Variants in CC2D2A observed in about 807,000 individuals in gnomAD.
CC2D2A encodes the protein coiled-coil and C2 domain-containing protein 2A.
Under a neutral mutation model 212.9 loss-of-function variants are expected in CC2D2A, and 155 were observed. The ratio of observed to expected loss-of-function variants is 0.73; its 90% CI spans 0.64 to 0.83. The LOEUF is 0.83. CC2D2A is among the 40% of genes least tolerant of loss of function. The pLI is 0.00. For missense variants in CC2D2A, 1,856 were observed against 1,956.2 expected, an observed-to-expected ratio of 0.95 and a Z score of 0.97; for synonymous variants, 667 against 686.5, an observed-to-expected ratio of 0.97 and a Z score of 0.44.
intron 13 of CC2D2A, among the ~76,000 whole-genome samples, chr4:15,530,165 G>A (rs761661727): frequency 6.6e-6 from 1 of 151,988 alleles, no homozygotes; most frequent in South Asian, 2.1e-4. Context: ...TAGAGACGGC[G>A]TTTCACCGCG....
rs1459773246 is a variant in CC2D2A, at chr4:15,537,959, G to A, written c.1825G>A (p.Glu609Lys). Residue 609 changes from glutamate to lysine, a missense_variant, in exon 16 of 37, where the codon GAG (glutamate) becomes AAG (lysine). This residue lies in a region of CC2D2A where 1,512 missense variants were observed against 1,579.3 expected (regional missense o/e 0.96). Transcript: ENST00000424120. ...AGAACATCCCGGTGATGAGATTGCA[G>A]AGCCGTATCCCGAGGAGGACCTTGT... is the stretch of plus-strand genomic sequence containing the variant. ...AEEHPGDEIA[E>K]PYPEEDLVKP... 1 of 1,610,350 alleles carries A rather than the reference G, an allele frequency of 6.2e-7. No homozygotes were observed.
rs182687690 is a variant in CC2D2A, at chr4:15,483,391, T to G, written c.247+2564T>G. Reference sequence around the variant, plus strand: ...TCTTGGAAACACACAGATGTATGTGTAGAAAACACGGAGAGGGTCAAGAGC... The same window carrying G: ...TCTTGGAAACACACAGATGTATGTGGAGAAAACACGGAGAGGGTCAAGAGC... On this transcript the variant is annotated intron_variant, in intron 4 of 36. Transcript: ENST00000424120. Among the ~76,000 whole-genome samples, 256 of 152,258 alleles carry G rather than the reference T, an allele frequency of 1.7e-3. 1 individual carries two copies. Among genetic ancestry groups the G allele is most frequent in the African/African-American group, 5.9e-3 (245 of 41,546 alleles).
chr4:15,581,207 G>A (rs1217565266), intron 30 of CC2D2A, among the ~76,000 whole-genome samples: 2 of 152,096 alleles, frequency 1.3e-5, no homozygotes, highest in East Asian at 1.9e-4. Context: ...CCCACTTTGT[G>A]TTCTACATTT....
At chr4:15,556,199 T>C (rs897954556) in intron 20 of CC2D2A, among the ~76,000 whole-genome samples, 2 of 152,224 alleles carry the variant, frequency 1.3e-5, no homozygotes, top group African/African-American at 4.8e-5. Flanking sequence ...AAAGCCATAA[T>C]AAACAAGTAG....
At chr4:15,488,384 A>G (rs1185807464) in intron 4 of CC2D2A, among the ~76,000 whole-genome samples, 1 of 152,192 alleles carries the variant, frequency 6.6e-6, no homozygotes, top group African/African-American at 2.4e-5. Context: ...CACTTTGAAT[A>G]TATCATCCCA....
chr4:15,496,315 G>A (rs1469058344), intron 4 of CC2D2A, among the ~76,000 whole-genome samples: 1 of 152,182 alleles, frequency 6.6e-6, no homozygotes, highest in African/African-American at 2.4e-5. Context: ...CAGGGCCAGT[G>A]TCCAGAATGG....
intron 6 of CC2D2A, among the ~76,000 whole-genome samples, chr4:15,506,848 C>T (rs143239039): frequency 0.11 from 15,944 of 151,422 alleles, 932 homozygotes; most frequent in Non-Finnish European, 0.13. Context: ...CTGAGGCGGG[C>T]GGATCACGAG....
At chr4:15,591,636 T>TAATGTAAAGAGCACTGTGTAACATATGTA (rs1293084507) in intron 33 of CC2D2A, among the ~76,000 whole-genome samples, 1 of 152,218 alleles carries the variant, frequency 6.6e-6, no homozygotes, top group Non-Finnish European at 1.5e-5. Flanking sequence ...CACTATTAAT[T>TAATGTAAAGAGCACTGTGTAACATATGTA]ACATATGTAA....
chr4:15,502,571 C>A, intron 5 of CC2D2A, 54 bp downstream of exon 5: 1 of 1,438,068 alleles, frequency 7.0e-7, no homozygotes, highest in Non-Finnish European at 9.5e-7. Flanking sequence ...TCTTCCAGGG[C>A]TTGTCTAGCT....
At chr4:15,541,995 T>TA (rs954360755) in intron 17 of CC2D2A, among the ~76,000 whole-genome samples, 12 of 152,126 alleles carry the variant, frequency 7.9e-5, no homozygotes, top group African/African-American at 1.2e-4. Flanking sequence ...TCCTGGCACT[T>TA]AGAGTTCCTT....
chr4:15,480,464 A>G (rs1714555259), intron 3 of CC2D2A, among the ~76,000 whole-genome samples: 1 of 152,222 alleles, frequency 6.6e-6, no homozygotes. Context: ...AGAAAAAGTG[A>G]AAATAATAAC....
At chr4:15,576,515 C>T (rs927399934) in intron 29 of CC2D2A, 4 of 227,886 alleles carry the variant, frequency 1.8e-5, no homozygotes, top group Non-Finnish European at 2.9e-5. Context: ...CTTACATGAT[C>T]TTGTTAAAAA....
At chr4:15,518,372 C>A (rs186999612) in intron 11 of CC2D2A, among the ~76,000 whole-genome samples, 1 of 152,246 alleles carries the variant, frequency 6.6e-6, no homozygotes, top group Non-Finnish European at 1.5e-5. Flanking sequence ...TGGGCAGCTT[C>A]GCCTCTGTGG....
intron 17 of CC2D2A, among the ~76,000 whole-genome samples, chr4:15,545,217 A>G (rs550535038): frequency 6.6e-6 from 1 of 152,254 alleles, no homozygotes; most frequent in Non-Finnish European, 1.5e-5. Context: ...GGGTAGAAAA[A>G]CTCACCTAAA....
chr4:15,571,673 T>C (rs939460508), intron 28 of CC2D2A, among the ~76,000 whole-genome samples: 3 of 151,828 alleles, frequency 2.0e-5, no homozygotes, highest in East Asian at 1.9e-4. Flanking sequence ...CAAGAATCAA[T>C]TGGAAATGCA....
chr4:15,549,807 A>G (rs1718904869), intron 17 of CC2D2A, among the ~76,000 whole-genome samples: 1 of 152,220 alleles, frequency 6.6e-6, no homozygotes, highest in East Asian at 1.9e-4. Flanking sequence ...CATCTAAAAA[A>G]AGAAAAGTTC....
At chr4:15,556,274 A>G (rs1719276069) in intron 20 of CC2D2A, among the ~76,000 whole-genome samples, 2 of 152,202 alleles carry the variant, frequency 1.3e-5, no homozygotes, top group African/African-American at 4.8e-5. Context: ...GTGTTTATCA[A>G]TAGGATAATT....
chr4:15,567,437 A>G lies in CC2D2A; in HGVS notation c.3243A>G (p.Pro1081=). The part of the protein sequence containing the change: ...RMFSEKHAAS[P]STYSPTHNAD... The stretch of plus-strand genomic sequence containing the variant: ...TCAGTGAAAAGCATGCTGCTTCCCC[A>G]AGCACGTACAGCCCAACCCACAATG... The change falls in exon 25 of 37, where the codon CCA becomes CCG. Residue 1081 remains proline, a synonymous_variant. Transcript: ENST00000424120. 1.2e-6 allele frequency: 2 copies of G among 1,613,512 alleles called. No individual in the cohort carries two copies. The highest frequency in any genetic ancestry group is 1.7e-6 in the Non-Finnish European group (2 of 1,179,676).
Position 15,574,222 on chromosome 4 carries a change from G to T in CC2D2A, c.3667G>T (p.Glu1223Ter). ...CAGTAAGGAGCGAAATATGATTCTT[G>T]AGCGGGGTTTTGATTCTGTCCGAAG... Reference protein sequence around the residue: ...GYSKERNMILERGFDSVRSLS... With the variant: ...GYSKERNMIL The change falls in exon 29 of 37, where the codon GAG (glutamate) becomes TAG (stop). Residue 1223 changes from glutamate (E) to a stop codon, truncating the protein, a stop_gained. Coordinates refer to ENST00000424120, the MANE Select transcript of CC2D2A (RefSeq NM_001378615.1). LOFTEE classifies it high-confidence loss of function. 6.4e-7 allele frequency: 1 copy of T among 1,551,464 alleles called. No individual in the cohort carries two copies. The highest frequency in any genetic ancestry group is 8.7e-7 in the Non-Finnish European group (1 of 1,146,854).
Sources: allele counts gnomAD v4.1 joint callset (sites outside exome capture counted in the v4.1 genomes callset), GRCh38; gene constraint gnomAD v4.1.1; regional missense constraint gnomAD v4.1.1; transcripts MANE v1.5; gene names NCBI Gene and HGNC (gene_info 2026-07-23, HGNC 2026-07-21).